The following STXBP5L variants were observed in gnomAD, a reference collection of about 807,000 sequenced individuals.
The protein encoded by STXBP5L is syntaxin binding protein 5L, also known as syntaxin-binding protein 5-like.
A neutral mutation model predicts 144.5 loss-of-function variants in STXBP5L; 65 were observed. The ratio of observed to expected loss-of-function variants is 0.45; its 90% CI spans 0.37 to 0.55. STXBP5L has a LOEUF of 0.55. Ranked by LOEUF, STXBP5L falls within the 20% of genes least tolerant of loss-of-function variation. The pLI, the probability that STXBP5L is intolerant of heterozygous loss-of-function variation, is 0.00. For missense variants in STXBP5L, 1,298 were observed against 1,405.5 expected (o/e 0.92, Z 1.22); for synonymous variants, 505 against 469.6 (o/e 1.08, Z -0.97).
intron 19 of STXBP5L, among the ~76,000 whole-genome samples, chr3:121,313,136 G>A (rs1170938361): frequency 2.1e-5 from 3 of 145,120 alleles, no homozygotes; most frequent in Non-Finnish European, 4.6e-5. Flanking sequence ...GCCAGGCAGA[G>A]GGGTCCTCAC....
At chr3:121,191,217 G>A (rs542649384) in intron 9 of STXBP5L, among the ~76,000 whole-genome samples, 79 of 152,254 alleles carry the variant, frequency 5.2e-4, no homozygotes, top group South Asian at 5.0e-3. Context: ...GTAGCGAGCC[G>A]AGATCACGCC....
chr3:121,004,089 A>C (rs1427431052), intron 3 of STXBP5L, among the ~76,000 whole-genome samples: 1 of 152,146 alleles, frequency 6.6e-6, no homozygotes, highest in Non-Finnish European at 1.5e-5. Flanking sequence ...CTGTGAAGAA[A>C]GTCATTGGTA....
rs117921064 is a variant in STXBP5L at position 121,097,942 on chromosome 3, T to C, written c.471-16983T>C. 2.9e-3 allele frequency among the ~76,000 whole-genome samples: 448 copies of C among 152,314 alleles called. 9 individuals are homozygous for C. The East Asian group carries it at 0.046, about 16-fold the overall frequency. On this transcript the variant is annotated intron_variant, in intron 5 of 26. Transcript: ENST00000471454. ...TTATACTGTTGGTTTACGTTGAACGTAAAGCCAAGCAATACTCCCATTTTT... is the reference window on the plus strand; with the variant it reads ...TTATACTGTTGGTTTACGTTGAACGCAAAGCCAAGCAATACTCCCATTTTT...
intron 2 of STXBP5L, among the ~76,000 whole-genome samples, chr3:120,939,226 G>A (rs1011972974): frequency 6.6e-6 from 1 of 152,116 alleles, no homozygotes; most frequent in African/African-American, 2.4e-5. Context: ...ACAAATGGTA[G>A]GGATATCAGC....
rs149493255 is a variant in STXBP5L, at chr3:120,961,068, G to A, written c.287+6031G>A. On this transcript the variant is annotated intron_variant, in intron 3 of 26. Transcript: ENST00000471454. The stretch of plus-strand genomic sequence containing the variant: ...AATCTTGGTAGGTTGTATATGTCTA[G>A]AAATTTATCAATTTCTTTGAAGTTT... Among the ~76,000 whole-genome samples the A allele has an allele frequency of 8.2e-3, 1,254 of 152,116 alleles. 22 individuals carry two copies. The highest frequency in any genetic ancestry group is 0.028 in the African/African-American group (1,173 of 41,530).
chr3:120,977,446 G>A lies in STXBP5L; in HGVS notation c.287+22409G>A, dbSNP rs143949820. Among the ~76,000 whole-genome samples the A allele has an allele frequency of 1.6e-3, 251 of 152,188 alleles. 1 individual carries two copies. The highest frequency in any genetic ancestry group is 5.7e-3 in the African/African-American group (235 of 41,510). ...TTTGAGCCTATATCTGTCTCTGCAC[G>A]TGAGATGGGTTTCCTGAATACAGCA... On this transcript the variant is annotated intron_variant, in intron 3 of 26. Transcript: ENST00000471454.
In STXBP5L at chr3:121,421,479, T is replaced by G. The variant is rs1295256838; in HGVS notation, c.*2382T>G. ...CCTCCTAGTAATGACAATCAAAATGTCTCCAGTCATTGCCAAAATTTCTCC... is the reference window on the plus strand; with the variant it reads ...CCTCCTAGTAATGACAATCAAAATGGCTCCAGTCATTGCCAAAATTTCTCC... On this transcript the variant is annotated 3_prime_UTR_variant, in exon 27 of 27. Transcript: ENST00000471454. 6.6e-6 allele frequency: 1 copy of G among 152,146 alleles called. No individual in the cohort carries two copies. The highest frequency in any genetic ancestry group is 1.5e-5 in the Non-Finnish European group (1 of 68,028). The allele number at this position is 152,146 out of a possible 1,614,324, so 9.4% of individuals were successfully genotyped here.
At chr3:121,042,006 T>C (rs974780470) in intron 4 of STXBP5L, among the ~76,000 whole-genome samples, 1 of 152,134 alleles carries the variant, frequency 6.6e-6, no homozygotes, top group African/African-American at 2.4e-5. Flanking sequence ...TGTTACTATA[T>C]AGCATAATTT....
At chr3:120,940,666 A>G (rs892209593) in intron 2 of STXBP5L, among the ~76,000 whole-genome samples, 1 of 151,238 alleles carries the variant, frequency 6.6e-6, no homozygotes, top group Non-Finnish European at 1.5e-5. Flanking sequence ...ATTTATTTGT[A>G]GAGCACTATC....
chr3:120,997,831 A>G (rs1943469643), intron 3 of STXBP5L, among the ~76,000 whole-genome samples: 1 of 152,162 alleles, frequency 6.6e-6, no homozygotes, highest in African/African-American at 2.4e-5. Flanking sequence ...AAATATAAGC[A>G]AATGAAATAG....
rs189024802 is a variant in STXBP5L at position 120,986,481 on chromosome 3, A to C, written c.287+31444A>C. On this transcript the variant is annotated intron_variant, in intron 3 of 26. Coordinates refer to ENST00000471454, the MANE Select transcript of STXBP5L (RefSeq NM_001308330.2). ...TTTGACATTGAAGTATGCAACTACT[A>C]TCATAGAACTGTCTACTTCCTTCAA... Among the ~76,000 whole-genome samples, 289 of 152,096 alleles carry C rather than the reference A, an allele frequency of 1.9e-3. 2 individuals carry two copies. The highest frequency in any genetic ancestry group is 4.2e-3 in the East Asian group (22 of 5,190).
intron 20 of STXBP5L, among the ~76,000 whole-genome samples, chr3:121,369,580 A>T (rs1489480148): frequency 6.8e-6 from 1 of 147,896 alleles, no homozygotes; most frequent in African/African-American, 2.5e-5. Context: ...TTTTTCTTTG[A>T]TTTTTTTTTC....
At chr3:121,041,499 T>C (rs1219365915) in intron 3 of STXBP5L, among the ~76,000 whole-genome samples, 2 of 152,142 alleles carry the variant, frequency 1.3e-5, no homozygotes, top group Non-Finnish European at 2.9e-5. Context: ...TTATTGTCAT[T>C]CTTTTTTTCA....
chr3:121,008,462 G>A (rs907982922), intron 3 of STXBP5L, among the ~76,000 whole-genome samples: 6 of 152,004 alleles, frequency 3.9e-5, no homozygotes, highest in Non-Finnish European at 7.4e-5. Flanking sequence ...CATTGAGAAT[G>A]ATGGTATGAG....
At chr3:121,196,495 G>T (rs941108812) in intron 9 of STXBP5L, among the ~76,000 whole-genome samples, 2 of 151,958 alleles carry the variant, frequency 1.3e-5, no homozygotes, top group Non-Finnish European at 2.9e-5. Context: ...TGTGTTCAAA[G>T]AACCAACTTT....
chr3:121,290,902 G>T (rs780542725), intron 19 of STXBP5L, among the ~76,000 whole-genome samples: 1 of 151,950 alleles, frequency 6.6e-6, no homozygotes, highest in South Asian at 2.1e-4. Context: ...AAACAACTAA[G>T]GGTAATAAAA....
At chr3:121,320,701 CTTTT>C (rs533248342) in intron 20 of STXBP5L, among the ~76,000 whole-genome samples, 1 of 134,890 alleles carries the variant, frequency 7.4e-6, no homozygotes. Flanking sequence ...AACGACCACA[CTTTT>C]TTTTTTTTTT....
chr3:121,303,722 T>C (rs1182163011), intron 19 of STXBP5L, among the ~76,000 whole-genome samples: 2 of 152,172 alleles, frequency 1.3e-5, no homozygotes, highest in Admixed American at 6.5e-5. Flanking sequence ...GTTCATGTCC[T>C]TTGTAGGGAC....
chr3:121,023,342 G>T (rs1184592075), intron 3 of STXBP5L, among the ~76,000 whole-genome samples: 2 of 152,008 alleles, frequency 1.3e-5, no homozygotes, highest in Admixed American at 6.6e-5. Context: ...CAAATTCAAT[G>T]CAATTATCAT....
Sources: gnomAD v4.1 joint callset for allele counts (sites outside exome capture counted in the v4.1 genomes callset) on GRCh38, gnomAD v4.1.1 for gene constraint, MANE v1.5 for transcripts, NCBI Gene and HGNC (gene_info 2026-07-23, HGNC 2026-07-21) for gene names.